RNMT: variants seen among roughly 807,000 people sequenced by gnomAD.
RNMT encodes mRNA cap guanine-N(7) methyltransferase.
RNMT carries 27 observed loss-of-function variants against 56.0 expected under a neutral mutation model. That is an observed-to-expected ratio of 0.48 (90% CI 0.36 to 0.67). The LOEUF (loss-of-function observed/expected upper bound fraction) is 0.67. Among genes scored for constraint, RNMT ranks in the 30% least tolerant of loss-of-function variants. The pLI, the probability that RNMT is intolerant of heterozygous loss-of-function variation, is 0.00. For synonymous variants in RNMT, 184 were observed against 176.2 expected, an observed-to-expected ratio of 1.04 and a Z score of -0.35; for missense variants, 519 against 552.1, an observed-to-expected ratio of 0.94 and a Z score of 0.60.
At chr18:13,754,569 A>G (rs2044511803) in intron 11 of RNMT, among the ~76,000 whole-genome samples, 1 of 152,250 alleles carries the variant, frequency 6.6e-6, no homozygotes, top group African/African-American at 2.4e-5. Flanking sequence ...ACACACACAC[A>G]CAAATACGTA....
chr18:13,760,187 G>T lies in RNMT; in HGVS notation c.*208G>T. ...TATATAAGAATGAGTTGGGACCTCT[G>T]TCTTTAAAAATCTATTTTTAGGTAA... On this transcript the variant is annotated 3_prime_UTR_variant, in exon 12 of 12. Transcript: ENST00000383314. The T allele has an allele frequency of 7.9e-7, 1 of 1,259,688 alleles. No homozygotes were observed. The highest frequency in any genetic ancestry group is 1.0e-6 in the Non-Finnish European group (1 of 1,002,118). 78.0% of individuals were successfully genotyped at this position (1,259,688 alleles called of 1,614,324 possible). A position where few individuals can be genotyped will look rare whatever the true frequency, so the allele number is the denominator to read the frequency against.
intron 9 of RNMT, among the ~76,000 whole-genome samples, chr18:13,748,909 G>A (rs1040113835): frequency 1.3e-5 from 2 of 152,146 alleles, no homozygotes; most frequent in Non-Finnish European, 2.9e-5. Context: ...GTAAAACCCC[G>A]TCTCTACTAA....
At chr18:13,727,078 G>A (rs1420627305) in intron 1 of RNMT, among the ~76,000 whole-genome samples, 1 of 152,260 alleles carries the variant, frequency 6.6e-6, no homozygotes. Context: ...CAGAGGTTGA[G>A]TAACAGGCCG....
Position 13,740,173 on chromosome 18 carries a change from C to T in RNMT, c.686C>T (p.Ala229Val). The T allele has an allele frequency of 6.2e-7, 1 of 1,601,882 alleles. No individual in the cohort carries two copies. The highest frequency in any genetic ancestry group is 8.6e-7 in the Non-Finnish European group (1 of 1,169,314). Reference protein sequence around the residue: ...RINKLVCTDIADVSVKQCQQR... With the variant: ...RINKLVCTDIVDVSVKQCQQR... Reference sequence around the variant, plus strand: ...TACCCTTCCATCCTTCCAGATATTGCCGATGTTTCTGTCAAACAGTGTCAG... The same window carrying T: ...TACCCTTCCATCCTTCCAGATATTGTCGATGTTTCTGTCAAACAGTGTCAG... The change falls in exon 6 of 12, where the codon GCC becomes GTC. Residue 229 changes from alanine to valine, a missense_variant. By Grantham distance (64) the Ala-to-Val change is moderately conservative. Coordinates refer to ENST00000383314, the MANE Select transcript of RNMT (RefSeq NM_003799.3).
chr18:13,737,250 A>C (rs55879025), intron 5 of RNMT, 115 bp downstream of exon 5: 2 of 948,208 alleles, frequency 2.1e-6, no homozygotes, highest in Non-Finnish European at 3.1e-6. Context: ...GGTTTTTTTT[A>C]AATTAATTAC....
rs1555794897 is a variant in RNMT, at chr18:13,744,156, C to CTTTTTTTTTTTTTTTTTTTTTTTTTTTT, written c.1139+1506_1139+1507insTTTTTTTTTTTTTTTTTTTTTTTTTTTT. 1.2e-4 allele frequency among the ~76,000 whole-genome samples: 3 copies of CTTTTTTTTTTTTTTTTTTTTTTTTTTTT among 25,952 alleles called. 1 individual carries two copies. Among genetic ancestry groups the CTTTTTTTTTTTTTTTTTTTTTTTTTTTT allele is most frequent in the African/African-American group, 4.5e-4 (3 of 6,686 alleles). 17.0% of individuals were successfully genotyped at this position (25,952 alleles called of 152,430 possible). A position where few individuals can be genotyped will look rare whatever the true frequency, so the allele number is the denominator to read the frequency against. On this transcript the variant is annotated intron_variant, in intron 8 of 11. Coordinates refer to ENST00000383314, the MANE Select transcript of RNMT (RefSeq NM_003799.3). Reference sequence around the variant, plus strand: ...TAAATGCTAAACAAGACCTAGCGGTCTTCTTTTTTTTTTTTTTTTTTTTTT... The same window carrying CTTTTTTTTTTTTTTTTTTTTTTTTTTTT: ...TAAATGCTAAACAAGACCTAGCGGTCTTTTTTTTTTTTTTTTTTTTTTTTTTTTTTCTTTTTTTTTTTTTTTTTTTTTT...
intron 11 of RNMT, among the ~76,000 whole-genome samples, chr18:13,756,875 A>G (rs747084283): frequency 6.6e-6 from 1 of 152,190 alleles, no homozygotes; most frequent in Non-Finnish European, 1.5e-5. Context: ...TGAGTATCCT[A>G]GCACATGCCC....
At chr18:13,749,258 A>G (rs952849763) in intron 9 of RNMT, among the ~76,000 whole-genome samples, 3 of 152,368 alleles carry the variant, frequency 2.0e-5, no homozygotes, top group Non-Finnish European at 2.9e-5. Flanking sequence ...CAGGCATTCA[A>G]AAACGAAGTT....
Position 13,752,366 on chromosome 18 carries a change from A to C in RNMT, c.1298A>C (p.Lys433Thr). The C allele has an allele frequency of 6.2e-7, 1 of 1,613,514 alleles. No individual in the cohort carries two copies. The highest frequency in any genetic ancestry group is 8.5e-7 in the Non-Finnish European group (1 of 1,179,536). ...ANESSKLVSE[K>T]VDDYEHAAKY... is the part of the protein sequence containing the mutation. ...GAGAGTTCTAAACTTGTCTCTGAGA[A>C]GGTGGATGACTATGAACATGCAGCA... Residue 433 changes from lysine (K) to threonine (T), a missense_variant, in exon 10 of 12, where the codon AAG becomes ACG. Coordinates refer to ENST00000383314, the MANE Select transcript of RNMT (RefSeq NM_003799.3).
At chr18:13,753,102 T>C (rs765149771) in intron 10 of RNMT, among the ~76,000 whole-genome samples, 4 of 152,234 alleles carry the variant, frequency 2.6e-5, no homozygotes, top group Non-Finnish European at 5.9e-5. Context: ...AACACAAAAA[T>C]TGTATTTTTT....
intron 11 of RNMT, among the ~76,000 whole-genome samples, chr18:13,757,704 T>C (rs2044566852): frequency 6.6e-6 from 1 of 152,186 alleles, no homozygotes; most frequent in African/African-American, 2.4e-5. Context: ...AATCCAGTTC[T>C]TCTAAACTTG....
At chr18:13,755,753 G>T (rs2044531765) in intron 11 of RNMT, among the ~76,000 whole-genome samples, 1 of 152,220 alleles carries the variant, frequency 6.6e-6, no homozygotes, top group Non-Finnish European at 1.5e-5. Flanking sequence ...TTTCCCTGCA[G>T]TGGAGACTGG....
intron 6 of RNMT, among the ~76,000 whole-genome samples, chr18:13,740,884 CTA>C (rs1225517365): frequency 6.6e-6 from 1 of 152,128 alleles, no homozygotes; most frequent in Non-Finnish European, 1.5e-5. Flanking sequence ...TGAACTTATA[CTA>C]TGTTTTGTTC....
At chr18:13,758,059 G>T (rs140286089) in intron 11 of RNMT, among the ~76,000 whole-genome samples, 18 of 152,242 alleles carry the variant, frequency 1.2e-4, no homozygotes, top group African/African-American at 3.9e-4. Context: ...TGAGCAGTAG[G>T]TCTCAACAGT....
chr18:13,746,795 A>G (rs1279981965), intron 9 of RNMT, among the ~76,000 whole-genome samples: 1 of 152,228 alleles, frequency 6.6e-6, no homozygotes, highest in Non-Finnish European at 1.5e-5. Context: ...GTTCTTTACA[A>G]CAGTGCCTTT....
intron 9 of RNMT, among the ~76,000 whole-genome samples, chr18:13,747,691 T>C (rs1017180813): frequency 6.6e-6 from 1 of 152,236 alleles, no homozygotes; most frequent in African/African-American, 2.4e-5. Flanking sequence ...GGGAGGACTT[T>C]TTATAAATTC....
chr18:13,736,563 T>C (rs2044160856), intron 4 of RNMT, among the ~76,000 whole-genome samples: 1 of 152,046 alleles, frequency 6.6e-6, no homozygotes, highest in Non-Finnish European at 1.5e-5. Flanking sequence ...CAGGCTCTTT[T>C]ATCATTCCAT....
At chr18:13,753,317 T>C (rs1313851552) in intron 10 of RNMT, among the ~76,000 whole-genome samples, 3 of 151,388 alleles carry the variant, frequency 2.0e-5, no homozygotes, top group Admixed American at 6.6e-5. Context: ...ATACAAAAAT[T>C]AGCTGGACGT....
intron 3 of RNMT, among the ~76,000 whole-genome samples, chr18:13,733,564 G>C (rs185369341): frequency 1.3e-5 from 2 of 152,206 alleles, no homozygotes; most frequent in East Asian, 3.9e-4. Context: ...TTTTAGTAGA[G>C]ATAGGGTTTC....
Sources: allele counts gnomAD v4.1 joint callset (sites outside exome capture counted in the v4.1 genomes callset), GRCh38; gene constraint gnomAD v4.1.1; transcripts MANE v1.5; gene names NCBI Gene and HGNC (gene_info 2026-07-23, HGNC 2026-07-21).